The following NEURL1 variants were observed in gnomAD, a reference collection of about 807,000 sequenced individuals.
NEURL1 encodes E3 ubiquitin-protein ligase NEURL1.
Under a neutral mutation model 41.2 loss-of-function variants are expected in NEURL1, and 26 were observed. The observed-to-expected ratio is 0.63, with a 90% CI of 0.46 to 0.87. The LOEUF is 0.87. NEURL1 is among the 40% of genes least tolerant of loss of function. The pLI is 0.00. For missense variants in NEURL1, 761 were observed against 871.1 expected (o/e 0.87, Z 1.59); for synonymous variants, 400 against 402.3 (o/e 0.99, Z 0.07).
At chr10:103,585,316 A>G in intron 4 of NEURL1, 91 bp downstream of exon 4, 1 of 1,164,756 alleles carries the variant, frequency 8.6e-7, no homozygotes, top group South Asian at 1.7e-5. Context: ...CCCTTCCTCC[A>G]GGCTCATGAT....
At chr10:103,578,525 C>T (rs889642175) in intron 3 of NEURL1, among the ~76,000 whole-genome samples, 1 of 152,194 alleles carries the variant, frequency 6.6e-6, no homozygotes, top group South Asian at 2.1e-4. Context: ...GCTAGGTCCA[C>T]CTCCTAGACT....
At chr10:103,578,432 G>C (rs768686204) in intron 3 of NEURL1, among the ~76,000 whole-genome samples, 4 of 152,196 alleles carry the variant, frequency 2.6e-5, no homozygotes, top group Non-Finnish European at 5.9e-5. Context: ...TGCTTCTCCA[G>C]CTGGGTTCCT....
At chr10:103,542,702 AC>A (rs1199798307) in intron 1 of NEURL1, among the ~76,000 whole-genome samples, 1 of 152,168 alleles carries the variant, frequency 6.6e-6, no homozygotes, top group African/African-American at 2.4e-5. Context: ...TGTGGCTTAG[AC>A]AAGTCACTTA....
chr10:103,573,044 C>G (rs1169837831), intron 3 of NEURL1, among the ~76,000 whole-genome samples: 2 of 150,612 alleles, frequency 1.3e-5, no homozygotes, highest in Non-Finnish European at 3.0e-5. Context: ...TGAAGTTCTT[C>G]TGTCCACAAC....
intron 1 of NEURL1, among the ~76,000 whole-genome samples, chr10:103,522,497 C>A (rs937914482): frequency 1.3e-5 from 2 of 150,946 alleles, no homozygotes; most frequent in African/African-American, 4.9e-5. Context: ...TGCCTGTAAT[C>A]CCAGCTACTC....
chr10:103,584,293 T>C (rs1592242180), intron 3 of NEURL1, among the ~76,000 whole-genome samples: 1 of 152,240 alleles, frequency 6.6e-6, no homozygotes, highest in East Asian at 1.9e-4. Flanking sequence ...CAAGCACCTG[T>C]GAGCATTTGG....
intron 2 of NEURL1, 117 bp from the exon 3 acceptor site, chr10:103,571,384 C>A: frequency 8.5e-7 from 1 of 1,172,320 alleles, no homozygotes. Flanking sequence ...GGGAACTGTG[C>A]TGGAATGGTG....
rs1014925392 is a variant in NEURL1 at position 103,566,454 on chromosome 10, C to A, written c.86-4418C>A. On this transcript the variant is annotated intron_variant, in intron 1 of 5. Coordinates refer to ENST00000369780, the MANE Select transcript of NEURL1 (RefSeq NM_004210.5). The surrounding 1 kb of genome is among the most constrained non-coding windows in gnomAD (Gnocchi z 4.2). ...TTCCAAAATATCATACGGATGGAAT[C>A]GTACAGCATACAGCCCTTTGCATCT... 6.6e-6 allele frequency among the ~76,000 whole-genome samples: 1 copy of A among 152,152 alleles called. No homozygotes were observed. Among genetic ancestry groups the A allele is most frequent in the Non-Finnish European group, 1.5e-5 (1 of 68,030 alleles).
intron 1 of NEURL1, among the ~76,000 whole-genome samples, chr10:103,532,920 C>CTTT (rs144783148): frequency 1.2e-3 from 76 of 63,622 alleles, no homozygotes; most frequent in Admixed American, 2.0e-3. Context: ...TTCTCTTCTC[C>CTTT]TTTTTTTTTT....
intron 1 of NEURL1, among the ~76,000 whole-genome samples, chr10:103,519,345 C>T (rs1031786382): frequency 9.9e-5 from 15 of 152,214 alleles, no homozygotes; most frequent in African/African-American, 1.9e-4. Flanking sequence ...TCAGCAGAGT[C>T]GTCTTGCTGC....
intron 1 of NEURL1, among the ~76,000 whole-genome samples, chr10:103,514,103 T>C (rs72848945): frequency 0.015 from 2,332 of 151,468 alleles, 24 homozygotes; most frequent in Non-Finnish European, 0.022. Context: ...TTTCTTTTTC[T>C]TTTTTTTTCT....
At chr10:103,587,946 G>A (rs1284751346) in intron 4 of NEURL1, among the ~76,000 whole-genome samples, 2 of 152,188 alleles carry the variant, frequency 1.3e-5, no homozygotes, top group Non-Finnish European at 2.9e-5. Context: ...GGGCACTTAG[G>A]TGTGTGCAGG....
At chr10:103,587,216 A>G (rs561740015) in intron 4 of NEURL1, among the ~76,000 whole-genome samples, 1 of 152,362 alleles carries the variant, frequency 6.6e-6, no homozygotes, top group East Asian at 1.9e-4. Context: ...TGACCAGGAT[A>G]TACTACTCCT....
At chr10:103,519,615 A>G (rs1393850725) in intron 1 of NEURL1, among the ~76,000 whole-genome samples, 3 of 152,140 alleles carry the variant, frequency 2.0e-5, no homozygotes, top group Non-Finnish European at 2.9e-5. Flanking sequence ...AGTTCCCTCC[A>G]TAGAGATTAA....
At chr10:103,568,812 TTTTG>T (rs151023098) in intron 1 of NEURL1, among the ~76,000 whole-genome samples, 29,505 of 151,980 alleles carry the variant, frequency 0.19, 3,113 homozygotes, top group South Asian at 0.27. Flanking sequence ...TTGTTTTGTT[TTTTG>T]TTTTTGTTTT....
intron 1 of NEURL1, among the ~76,000 whole-genome samples, chr10:103,502,056 T>C (rs2033838282): frequency 6.6e-6 from 1 of 152,188 alleles, no homozygotes; most frequent in Admixed American, 6.5e-5. Flanking sequence ...CGCACACCAC[T>C]GTGCCAGGCT....
intron 1 of NEURL1, among the ~76,000 whole-genome samples, chr10:103,516,564 A>G (rs1414342738): frequency 6.6e-6 from 1 of 152,098 alleles, no homozygotes; most frequent in African/African-American, 2.4e-5. Context: ...CACTTAAACC[A>G]TGAGAGTGGT....
intron 1 of NEURL1, among the ~76,000 whole-genome samples, chr10:103,554,508 G>A (rs951836529): frequency 6.6e-6 from 1 of 152,064 alleles, no homozygotes; most frequent in Admixed American, 6.5e-5. Flanking sequence ...AGGTTGGTGT[G>A]GGGGGGAAAA....
intron 3 of NEURL1, among the ~76,000 whole-genome samples, chr10:103,576,307 G>C (rs1300923765): frequency 6.8e-6 from 1 of 147,590 alleles, no homozygotes; most frequent in Non-Finnish European, 1.5e-5. Flanking sequence ...AACAATTTAG[G>C]TCAGACAGGG....
Sources: gnomAD v4.1 joint callset for allele counts (sites outside exome capture counted in the v4.1 genomes callset) on GRCh38, gnomAD v4.1.1 for gene constraint, Gnocchi (gnomAD v3.1) non-coding constraint, MANE v1.5 for transcripts, NCBI Gene and HGNC (gene_info 2026-07-23, HGNC 2026-07-21) for gene names.